The following CSMD1 variants were observed in gnomAD, a reference collection of about 807,000 sequenced individuals.
The protein encoded by CSMD1 is CUB and Sushi multiple domains 1.
A neutral mutation model predicts 417.5 loss-of-function variants in CSMD1; 213 were observed. That is an observed-to-expected ratio of 0.51 (90% CI 0.46 to 0.57). The LOEUF is 0.57. Ranked by LOEUF, CSMD1 falls within the 20% of genes least tolerant of loss-of-function variation. CSMD1 has a pLI of 0.00. For missense variants in CSMD1, 6,923 were observed against 4,529.7 expected (o/e 1.53, Z -15.17); for synonymous variants, 2,862 against 1,736.8 (o/e 1.65, Z -16.11).
intron 1 of CSMD1, among the ~76,000 whole-genome samples, chr8:4,984,270 G>A (rs542415508): frequency 6.6e-6 from 1 of 152,190 alleles, no homozygotes; most frequent in Non-Finnish European, 1.5e-5. Context: ...CCAATAAGTA[G>A]ATGATGTTCA....
intron 50 of CSMD1, chr8:3,043,934 A>C (rs1245611471): frequency 6.6e-6 from 1 of 152,278 alleles, no homozygotes; most frequent in Admixed American, 6.6e-5. Context: ...AATATTCATA[A>C]ATAAAAATGT....
At chr8:4,985,371 A>ATAAAAG (rs1563933897) in intron 1 of CSMD1, among the ~76,000 whole-genome samples, 1 of 151,316 alleles carries the variant, frequency 6.6e-6, no homozygotes, top group Admixed American at 6.6e-5. Flanking sequence ...GGAACTTAAA[A>ATAAAAG]GTTTTTTTTA....
chr8:4,154,025 T>A (rs1585435959), intron 3 of CSMD1, among the ~76,000 whole-genome samples: 1 of 152,192 alleles, frequency 6.6e-6, no homozygotes, highest in East Asian at 1.9e-4. Context: ...TGCACCGTAT[T>A]TTCAGCTTGC....
intron 1 of CSMD1, among the ~76,000 whole-genome samples, chr8:4,776,274 T>C (rs1470727298): frequency 4.6e-5 from 7 of 152,176 alleles, no homozygotes; most frequent in African/African-American, 1.7e-4. Context: ...CTCCTGAAAA[T>C]TTAAACTAGC....
intron 41 of CSMD1, among the ~76,000 whole-genome samples, chr8:3,133,741 G>A (rs2129027867): frequency 6.6e-6 from 1 of 152,294 alleles, no homozygotes; most frequent in African/African-American, 2.4e-5. Context: ...GGACCTACAG[G>A]TTGGACTCAT....
At chr8:3,833,059 A>G (rs1323591238) in intron 5 of CSMD1, among the ~76,000 whole-genome samples, 2 of 152,186 alleles carry the variant, frequency 1.3e-5, no homozygotes, top group Non-Finnish European at 2.9e-5. Context: ...ATTTCATGGC[A>G]GCTGTTTGAA....
chr8:4,181,343 G>C (rs1406172583), intron 3 of CSMD1, among the ~76,000 whole-genome samples: 2 of 151,126 alleles, frequency 1.3e-5, no homozygotes, highest in African/African-American at 4.9e-5. Context: ...AAATGCAATG[G>C]TACGGTTTCT....
At chr8:3,344,644 A>C (rs1198660979) in intron 22 of CSMD1, among the ~76,000 whole-genome samples, 2 of 152,146 alleles carry the variant, frequency 1.3e-5, no homozygotes, top group African/African-American at 4.8e-5. Context: ...CCCTAACTAA[A>C]TAAAATTAAA....
At chr8:3,815,132 T>A (rs900673351) in intron 5 of CSMD1, among the ~76,000 whole-genome samples, 15 of 152,218 alleles carry the variant, frequency 9.9e-5, no homozygotes, top group Admixed American at 8.5e-4. Flanking sequence ...GATATTTTGC[T>A]TAGTATTTCT....
intron 6 of CSMD1, among the ~76,000 whole-genome samples, chr8:3,746,761 C>G (rs772998815): frequency 6.6e-6 from 1 of 152,108 alleles, no homozygotes; most frequent in Non-Finnish European, 1.5e-5. Context: ...AGAAGCTGTT[C>G]AGAATGAACT....
intron 10 of CSMD1, among the ~76,000 whole-genome samples, chr8:3,570,561 G>T (rs563255363): frequency 2.8e-5 from 1 of 36,018 alleles, no homozygotes; most frequent in South Asian, 5.0e-4. Flanking sequence ...CCGCTCTAGA[G>T]AGGGGGCAGG....
intron 3 of CSMD1, among the ~76,000 whole-genome samples, chr8:4,122,836 G>A (rs1408649613): frequency 1.3e-5 from 2 of 152,146 alleles, no homozygotes; most frequent in South Asian, 2.1e-4. Flanking sequence ...CTGTAACAGA[G>A]TTCACAGAGA....
chr8:3,164,620 TA>T (rs1349870848), intron 37 of CSMD1, among the ~76,000 whole-genome samples: 1 of 152,170 alleles, frequency 6.6e-6, no homozygotes, highest in African/African-American at 2.4e-5. Context: ...AAAAAATGTA[TA>T]CTTAAAATAC....
intron 35 of CSMD1, 147 bp from the exon 36 acceptor site, chr8:3,188,112 T>C (rs1386414347): frequency 1.1e-5 from 3 of 272,674 alleles, no homozygotes; most frequent in Middle Eastern, 1.1e-3. Context: ...ATATACACCT[T>C]AATAATGCCT....
intron 3 of CSMD1, among the ~76,000 whole-genome samples, chr8:4,250,223 A>G (rs1216763909): frequency 1.3e-5 from 2 of 152,174 alleles, no homozygotes; most frequent in Non-Finnish European, 2.9e-5. Context: ...TTTTGTTACA[A>G]CAACACAAAT....
intron 3 of CSMD1, among the ~76,000 whole-genome samples, chr8:4,193,860 G>A (rs1056370935): frequency 7.2e-5 from 11 of 151,934 alleles, no homozygotes; most frequent in African/African-American, 2.2e-4. Flanking sequence ...TCATTCTTCA[G>A]CACCGAGAAG....
At chr8:3,396,581 C>G (rs1044146779) in intron 16 of CSMD1, among the ~76,000 whole-genome samples, 200 bp from the exon 17 acceptor site, 2 of 152,052 alleles carry the variant, frequency 1.3e-5, no homozygotes, top group Non-Finnish European at 2.9e-5. Context: ...GCTTAAATCC[C>G]TTTCTCTTAT....
chr8:4,647,216 G>C (rs1220483755), intron 1 of CSMD1, among the ~76,000 whole-genome samples: 1 of 151,436 alleles, frequency 6.6e-6, no homozygotes, highest in Non-Finnish European at 1.5e-5. Context: ...AGTGTTTCGG[G>C]CGCCAGTTTG....
At chr8:4,858,983 G>C (rs934073605) in intron 1 of CSMD1, among the ~76,000 whole-genome samples, 3 of 150,584 alleles carry the variant, frequency 2.0e-5, no homozygotes, top group Non-Finnish European at 4.5e-5. Flanking sequence ...AAAGAACAAA[G>C]CTGGAGGCAT....
Sources: allele counts gnomAD v4.1 joint callset (sites outside exome capture counted in the v4.1 genomes callset), GRCh38; gene constraint gnomAD v4.1.1; transcripts MANE v1.5; gene names NCBI Gene and HGNC (gene_info 2026-07-23, HGNC 2026-07-21).